The following PLCB1 variants were observed in gnomAD, a reference collection of about 807,000 sequenced individuals.
PLCB1 encodes the protein phospholipase C beta 1.
Under a neutral mutation model 161.8 loss-of-function variants are expected in PLCB1, and 46 were observed. The observed-to-expected ratio is 0.28, with a 90% CI of 0.22 to 0.36. PLCB1 has a LOEUF of 0.36. PLCB1 is among the 10% of genes least tolerant of loss of function. PLCB1 has a pLI of 1.00. For synonymous variants in PLCB1, 517 were observed against 503.7 expected (o/e 1.03, Z -0.35); for missense variants, 1,016 against 1,472.5 (o/e 0.69, Z 5.07).
chr20:8,651,845 C>T (rs1027744516), intron 7 of PLCB1: 3 of 237,468 alleles, frequency 1.3e-5, no homozygotes, highest in Non-Finnish European at 2.4e-5. Context: ...GAAATAATTT[C>T]CCTACTGGAT....
At chr20:8,653,721 T>C (rs1989378821) in intron 7 of PLCB1, among the ~76,000 whole-genome samples, 1 of 152,046 alleles carries the variant, frequency 6.6e-6, no homozygotes, top group African/African-American at 2.4e-5. Flanking sequence ...AAGAAATATA[T>C]AACGAAGAAA....
chr20:8,846,995 G>A (rs950886612), intron 31 of PLCB1, among the ~76,000 whole-genome samples: 1 of 152,126 alleles, frequency 6.6e-6, no homozygotes, highest in Non-Finnish European at 1.5e-5. Flanking sequence ...CTAAATATTG[G>A]AATCAGAGGA....
chr20:8,452,119 A>G (rs1981101168), intron 3 of PLCB1, among the ~76,000 whole-genome samples: 1 of 152,242 alleles, frequency 6.6e-6, no homozygotes, highest in Admixed American at 6.5e-5. Flanking sequence ...AAACAACTGT[A>G]TCTCAGATGA....
chr20:8,509,493 T>G (rs929351998), intron 3 of PLCB1, among the ~76,000 whole-genome samples: 15 of 152,224 alleles, frequency 9.9e-5, no homozygotes, highest in Admixed American at 2.0e-4. Context: ...GTTAAGGTTT[T>G]TCATCAAACT....
intron 3 of PLCB1, among the ~76,000 whole-genome samples, chr20:8,383,644 T>C (rs1987332279): frequency 6.6e-6 from 1 of 152,220 alleles, no homozygotes; most frequent in Non-Finnish European, 1.5e-5. Flanking sequence ...TCTTTATATT[T>C]TGGTGTGTTT....
At chr20:8,341,317 C>A (rs1985801718) in intron 2 of PLCB1, among the ~76,000 whole-genome samples, 1 of 152,156 alleles carries the variant, frequency 6.6e-6, no homozygotes, top group Non-Finnish European at 1.5e-5. Flanking sequence ...GCTTCCCCTC[C>A]TCCCAGTCTC....
chr20:8,773,094 C>T (rs1216453225), intron 26 of PLCB1, among the ~76,000 whole-genome samples: 1 of 152,192 alleles, frequency 6.6e-6, no homozygotes, highest in Non-Finnish European at 1.5e-5. Context: ...AATTCCGCAT[C>T]CCTTATTTGA....
chr20:8,446,114 A>T (rs1980812510), intron 3 of PLCB1, among the ~76,000 whole-genome samples: 1 of 152,186 alleles, frequency 6.6e-6, no homozygotes. Flanking sequence ...AAAAAAGAGA[A>T]TTTTAGACCA....
chr20:8,361,057 G>A (rs180890485), intron 2 of PLCB1, among the ~76,000 whole-genome samples: 30 of 152,272 alleles, frequency 2.0e-4, no homozygotes, highest in African/African-American at 7.0e-4. Flanking sequence ...AAGAAAATAC[G>A]TTGGTTGAGA....
chr20:8,398,276 TAATA>T (rs1419491616), intron 3 of PLCB1, among the ~76,000 whole-genome samples: 5 of 152,196 alleles, frequency 3.3e-5, no homozygotes, highest in African/African-American at 1.2e-4. Flanking sequence ...ATATATGTCT[TAATA>T]AATATATGTC....
chr20:8,262,341 T>C (rs966658802), intron 2 of PLCB1, among the ~76,000 whole-genome samples: 1 of 152,230 alleles, frequency 6.6e-6, no homozygotes, highest in Non-Finnish European at 1.5e-5. Context: ...TCCACCTGCC[T>C]TGGCCTCCCA....
chr20:8,806,907 C>A (rs1984565463), intron 31 of PLCB1, among the ~76,000 whole-genome samples: 1 of 152,156 alleles, frequency 6.6e-6, no homozygotes, highest in Admixed American at 6.5e-5. Flanking sequence ...TGACCGTCTT[C>A]TCCTTTTCCT....
intron 3 of PLCB1, among the ~76,000 whole-genome samples, chr20:8,556,568 CA>C (rs1323781934): frequency 6.6e-6 from 1 of 151,886 alleles, no homozygotes; most frequent in East Asian, 1.9e-4. Context: ...ACTAAGCTTT[CA>C]CCTTCAGCTT....
At chr20:8,823,588 A>G (rs954265433) in intron 31 of PLCB1, among the ~76,000 whole-genome samples, 6 of 152,202 alleles carry the variant, frequency 3.9e-5, no homozygotes, top group African/African-American at 1.2e-4. Flanking sequence ...GTTTTATACC[A>G]TATTCAACTA....
intron 31 of PLCB1, among the ~76,000 whole-genome samples, chr20:8,794,786 GTAAA>G (rs1983935233): frequency 6.6e-6 from 1 of 150,440 alleles, no homozygotes; most frequent in Non-Finnish European, 1.5e-5. Context: ...TAAGCCATTG[GTAAA>G]TAAACAACTC....
chr20:8,232,044 A>C (rs1980068764), intron 2 of PLCB1, among the ~76,000 whole-genome samples: 1 of 152,076 alleles, frequency 6.6e-6, no homozygotes, highest in South Asian at 2.1e-4. Flanking sequence ...AAGAAACCTA[A>C]AAGATTATGC....
intron 1 of PLCB1, among the ~76,000 whole-genome samples, chr20:8,134,139 A>G (rs2051319754): frequency 6.6e-6 from 1 of 152,234 alleles, no homozygotes; most frequent in Non-Finnish European, 1.5e-5. Context: ...GTTCCAGTCT[A>G]ATTGTACTGA....
At chr20:8,701,670 C>G (rs2123437014) in intron 11 of PLCB1, among the ~76,000 whole-genome samples, 1 of 152,286 alleles carries the variant, frequency 6.6e-6, no homozygotes, top group East Asian at 1.9e-4. Context: ...TTGTTCTGTT[C>G]CCTGATCTGT....
intron 3 of PLCB1, among the ~76,000 whole-genome samples, chr20:8,504,190 C>T (rs978982313): frequency 1.3e-5 from 2 of 152,166 alleles, no homozygotes; most frequent in Admixed American, 6.5e-5. Flanking sequence ...GTCACCTCCA[C>T]TCTAAGGCCC....
Sources: gnomAD v4.1 joint callset for allele counts (sites outside exome capture counted in the v4.1 genomes callset) on GRCh38, gnomAD v4.1.1 for gene constraint, MANE v1.5 for transcripts, NCBI Gene and HGNC (gene_info 2026-07-23, HGNC 2026-07-21) for gene names.